Variants in PIEZO2 observed in about 807,000 individuals in gnomAD.
PIEZO2 encodes the protein piezo type mechanosensitive ion channel component 2, also known as piezo-type mechanosensitive ion channel component 2.
PIEZO2 carries 172 observed loss-of-function variants against 337.3 expected under a neutral mutation model. That is an observed-to-expected ratio of 0.51 (90% CI 0.45 to 0.58). PIEZO2 has a LOEUF of 0.58. Among genes scored for constraint, PIEZO2 ranks in the 20% least tolerant of loss-of-function variants. The pLI, the probability that PIEZO2 is intolerant of heterozygous loss-of-function variation, is 0.00. For synonymous variants in PIEZO2, 1,251 were observed against 1,228.5 expected, an observed-to-expected ratio of 1.02 and a Z score of -0.38; for missense variants, 3,028 against 3,391.3, an observed-to-expected ratio of 0.89 and a Z score of 2.66.
chr18:11,022,225 G>T (rs1420749772), intron 2 of PIEZO2, among the ~76,000 whole-genome samples: 1 of 152,162 alleles, frequency 6.6e-6, no homozygotes, highest in South Asian at 2.1e-4. Context: ...CCCTAACTGT[G>T]CAGGCCTGAC....
At chr18:10,974,634 A>AC (rs2034369892) in intron 3 of PIEZO2, among the ~76,000 whole-genome samples, 1 of 152,204 alleles carries the variant, frequency 6.6e-6, no homozygotes, top group Non-Finnish European at 1.5e-5. Context: ...GGAAAGCCAG[A>AC]CAGATCCGTG....
rs1382566381 is a variant in PIEZO2, at chr18:10,715,651, T to C, written c.5255A>G (p.Lys1752Arg). Residue 1752 changes from lysine to arginine, a missense_variant and splice_region_variant, in exon 38 of 56, where the codon AAG becomes AGG. By Grantham distance (26) the Lys-to-Arg change is conservative. Transcript: ENST00000674853. ...ERCMLTREIKKGNVPTRESIH... is the reference protein window; with the variant it reads ...ERCMLTREIKRGNVPTRESIH... ...AAAGAATTACACCAGCAGTGTTACC[T>C]TCTTAATTTCTCTGGTCAGCATGCA... 9 of 1,522,700 alleles carry C rather than the reference T, an allele frequency of 5.9e-6. No homozygotes were observed. The South Asian group carries it at 1.1e-4, about 19-fold the overall frequency. The allele number at this position is 1,522,700 out of a possible 1,614,324, so 94.3% of individuals were successfully genotyped here. A position where few individuals can be genotyped will look rare whatever the true frequency, so the allele number is the denominator to read the frequency against.
intron 3 of PIEZO2, among the ~76,000 whole-genome samples, chr18:10,950,089 G>C (rs1376674321): frequency 6.6e-6 from 1 of 152,142 alleles, no homozygotes; most frequent in Non-Finnish European, 1.5e-5. Flanking sequence ...CATTTGGTAA[G>C]AGTTTCTAAA....
At position 10,808,069 on chromosome 18, in the gene PIEZO2, T is replaced by G. The variant is rs1027324776; in HGVS notation, c.918-795A>C. ...TTATAGGTTAAGTGAGTTTCATACC[T>G]TTCTACTGTTTGCATCTTTTATTTA... On this transcript the variant is annotated intron_variant, in intron 7 of 55. Coordinates refer to ENST00000674853, the MANE Select transcript of PIEZO2 (RefSeq NM_001378183.1). Among the ~76,000 whole-genome samples, 13 of 152,292 alleles carry G rather than the reference T, an allele frequency of 8.5e-5. No individual in the cohort carries two copies. The East Asian group carries it at 2.5e-3, about 29-fold the overall frequency.
rs891589228 is a variant in PIEZO2, at chr18:10,927,121, T to A, written c.287-15893A>T. Among the ~76,000 whole-genome samples, 5 of 152,232 alleles carry A rather than the reference T, an allele frequency of 3.3e-5. No homozygotes were observed. The East Asian group carries it at 7.7e-4, about 23-fold the overall frequency. ...GAGCTGCACACTTCCTGGATTTCTT[T>A]GCTTCGCATCCTCTGTTCTCTCCGG... is the stretch of plus-strand genomic sequence containing the variant. On this transcript the variant is annotated intron_variant, in intron 3 of 55. Coordinates refer to ENST00000674853, the MANE Select transcript of PIEZO2 (RefSeq NM_001378183.1).
At chr18:11,018,071 C>G (rs2145696164) in intron 2 of PIEZO2, among the ~76,000 whole-genome samples, 1 of 152,194 alleles carries the variant, frequency 6.6e-6, no homozygotes, top group East Asian at 1.9e-4. Context: ...GGGCCCTGCT[C>G]CCCGAGAAGG....
chr18:10,679,993 G>T (rs978584304), intron 52 of PIEZO2, among the ~76,000 whole-genome samples: 1 of 152,160 alleles, frequency 6.6e-6, no homozygotes, highest in African/African-American at 2.4e-5. Flanking sequence ...TTCTTAGTCT[G>T]GTTAGTGATT....
rs889395602 is a variant in PIEZO2 at position 10,903,521 on chromosome 18, T to G, written c.329+7665A>C. 6.6e-6 allele frequency among the ~76,000 whole-genome samples: 1 copy of G among 151,896 alleles called. No homozygotes were observed. Among genetic ancestry groups the G allele is most frequent in the African/African-American group, 2.4e-5 (1 of 41,348 alleles). ...CCGTCTCTACCAAAAATAAAAAAAA[T>G]TAGCTGGGCATAGTGGCGCGCTCCT... On this transcript the variant is annotated intron_variant, in intron 4 of 55. Transcript: ENST00000674853. This position sits in a 1 kb window ranked among gnomAD's most constrained non-coding sequence, Gnocchi z 4.1.
At chr18:10,801,561 C>T (rs1317846051) in intron 9 of PIEZO2, 133 bp from the exon 10 acceptor site, 6 of 753,846 alleles carry the variant, frequency 8.0e-6, no homozygotes, top group Non-Finnish European at 1.3e-5. Context: ...TTAATATTGC[C>T]ATGCAAAATA....
intron 3 of PIEZO2, among the ~76,000 whole-genome samples, chr18:10,967,703 C>A (rs1316041130): frequency 6.6e-6 from 1 of 152,080 alleles, no homozygotes; most frequent in Non-Finnish European, 1.5e-5. Context: ...CCATGTTGAG[C>A]GTTTTTTCAT....
chr18:10,672,714 C>A lies in PIEZO2; in HGVS notation c.8321G>T (p.Ser2774Ile). The change falls in exon 55 of 56, where the codon AGT (serine) becomes ATT (isoleucine). Residue 2774 changes from serine (S) to isoleucine (I), a missense_variant. This residue lies in a region of PIEZO2 where 332 missense variants were observed against 363.8 expected (regional missense o/e 0.91). Coordinates refer to ENST00000674853, the MANE Select transcript of PIEZO2 (RefSeq NM_001378183.1). This position sits in a 1 kb window ranked among gnomAD's most constrained non-coding sequence, Gnocchi z 4.7. ...VVFNDKVSPP[S>I]LGFLAGYGIM... ...CCCATAGCCAGCCAGGAACCCCAGA[C>A]TTGGGGGACTGACTTTGTCATTGAA... is the stretch of plus-strand genomic sequence containing the variant. 1 of 1,613,996 alleles carries A rather than the reference C, an allele frequency of 6.2e-7. No homozygotes were observed. Among genetic ancestry groups the A allele is most frequent in the Non-Finnish European group, 8.5e-7 (1 of 1,179,954 alleles).
chr18:10,693,932 A>G (rs2034971647), intron 47 of PIEZO2, among the ~76,000 whole-genome samples: 1 of 152,002 alleles, frequency 6.6e-6, no homozygotes, highest in East Asian at 1.9e-4. Context: ...TATTCACAAC[A>G]CTCTCATGAA....
chr18:10,743,612 T>G (rs779968756), intron 31 of PIEZO2, among the ~76,000 whole-genome samples: 2 of 152,226 alleles, frequency 1.3e-5, no homozygotes, highest in Non-Finnish European at 2.9e-5. Context: ...TTAAGTCATC[T>G]AATACCAGGG....
At chr18:10,675,878 G>A (rs1182617040) in intron 53 of PIEZO2, among the ~76,000 whole-genome samples, 3 of 152,076 alleles carry the variant, frequency 2.0e-5, no homozygotes, top group South Asian at 2.1e-4. Flanking sequence ...CAGTTCCCCT[G>A]CACGTGCTCC....
At position 10,833,646 on chromosome 18, in the gene PIEZO2, C is replaced by T. The variant is rs2040919580; in HGVS notation, c.917+21707G>A. Among the ~76,000 whole-genome samples, 1 of 152,208 alleles carries T rather than the reference C, an allele frequency of 6.6e-6. No individual in the cohort carries two copies. Among genetic ancestry groups the T allele is most frequent in the Non-Finnish European group, 1.5e-5 (1 of 68,030 alleles). ...AGGCTTCCAGAGCCAAGTACAGTTC[C>T]AATCTGTGTCTACCCGCAGGCTTCA... On this transcript the variant is annotated intron_variant, in intron 7 of 55. Coordinates refer to ENST00000674853, the MANE Select transcript of PIEZO2 (RefSeq NM_001378183.1). The surrounding 1 kb of genome is among the most constrained non-coding windows in gnomAD (Gnocchi z 4.7).
chr18:11,004,401 A>C (rs2145623257), intron 2 of PIEZO2, among the ~76,000 whole-genome samples: 1 of 152,142 alleles, frequency 6.6e-6, no homozygotes, highest in Non-Finnish European at 1.5e-5. Flanking sequence ...CCCCCGCCCC[A>C]TATTTCTTTC....
chr18:10,784,847 T>A lies in PIEZO2; in HGVS notation c.2429A>T (p.Asp810Val). Reference sequence around the variant, plus strand: ...GAGGTCTGTGAGTTCAAGGAACCGGTCATGGAAGTAGTGCAGGTGTAAAAT... The same window carrying A: ...GAGGTCTGTGAGTTCAAGGAACCGGACATGGAAGTAGTGCAGGTGTAAAAT... Reference protein sequence around the residue: ...VCILHLHYFHDRFLELTDLKS... With the variant: ...VCILHLHYFHVRFLELTDLKS... Residue 810 changes from aspartate to valine, a missense_variant, in exon 17 of 56, where the codon GAC becomes GTC. By Grantham distance (152) the Asp-to-Val change is radical. Coordinates refer to ENST00000674853, the MANE Select transcript of PIEZO2 (RefSeq NM_001378183.1). This position sits in a 1 kb window ranked among gnomAD's most constrained non-coding sequence, Gnocchi z 4.5. The A allele has an allele frequency of 6.5e-7, 1 of 1,537,698 alleles. No individual in the cohort carries two copies. The highest frequency in any genetic ancestry group is 1.4e-5 in the African/African-American group (1 of 73,130).
Position 10,673,024 on chromosome 18 carries a change from G to C in PIEZO2, c.8162-151C>G, listed in dbSNP as rs1407239056. ...CATGGACATACTAGAAGCGTGAATGGGCAAGGAAGAGAGGGCCCTGGGTAT... is the reference window on the plus strand; with the variant it reads ...CATGGACATACTAGAAGCGTGAATGCGCAAGGAAGAGAGGGCCCTGGGTAT... On this transcript the variant is annotated intron_variant, in intron 54 of 55. Coordinates refer to ENST00000674853, the MANE Select transcript of PIEZO2 (RefSeq NM_001378183.1). This position sits in a 1 kb window ranked among gnomAD's most constrained non-coding sequence, Gnocchi z 4.8. 3.1e-6 allele frequency: 2 copies of C among 646,270 alleles called. No individual in the cohort carries two copies. The highest frequency in any genetic ancestry group is 2.9e-5 in the East Asian group (1 of 34,540). 40.0% of individuals were successfully genotyped at this position (646,270 alleles called of 1,614,324 possible).
Position 10,762,949 on chromosome 18 carries a change from A to C in PIEZO2, c.3096T>G (p.Pro1032=), listed in dbSNP as rs369384899. 1.6e-5 allele frequency: 24 copies of C among 1,537,150 alleles called. No homozygotes were observed. Among genetic ancestry groups the C allele is most frequent in the Admixed American group, 7.8e-5 (4 of 50,980 alleles). The change falls in exon 22 of 56, where the codon CCT becomes CCG. Residue 1032 remains proline (P), a synonymous_variant. Transcript: ENST00000674853. ...KMLYQLQTIK[P]ENFSVNCSLP... Reference sequence around the variant, plus strand: ...AGGAACAGTTAACAGAGAAGTTCTCAGGCTTAATGGTTTGGAGCTGGTACA... The same window carrying C: ...AGGAACAGTTAACAGAGAAGTTCTCCGGCTTAATGGTTTGGAGCTGGTACA...
Sources: allele counts gnomAD v4.1 joint callset (sites outside exome capture counted in the v4.1 genomes callset), GRCh38; gene constraint gnomAD v4.1.1; regional missense constraint gnomAD v4.1.1; non-coding constraint Gnocchi (gnomAD v3.1); transcripts MANE v1.5; gene names NCBI Gene and HGNC (gene_info 2026-07-23, HGNC 2026-07-21).